The following MACROD2 variants were observed in gnomAD, a reference collection of about 807,000 sequenced individuals.
MACROD2 encodes mono-ADP ribosylhydrolase 2.
In MACROD2, 36 loss-of-function variants were observed where a neutral mutation model predicts 70.4. That is an observed-to-expected ratio of 0.51 (90% CI 0.39 to 0.68). The LOEUF (loss-of-function observed/expected upper bound fraction) is 0.68, where lower values mean the gene tolerates loss of function less well. Among genes scored for constraint, MACROD2 ranks in the 30% least tolerant of loss-of-function variants. The pLI is 0.00. For missense variants in MACROD2, 496 were observed against 538.4 expected, an observed-to-expected ratio of 0.92 and a Z score of 0.78; for synonymous variants, 172 against 178.8, an observed-to-expected ratio of 0.96 and a Z score of 0.30.
intron 3 of MACROD2, chr20:14,322,868 C>T (rs560402081): frequency 2.0e-5 from 3 of 152,086 alleles, no homozygotes; most frequent in Non-Finnish European, 4.4e-5. Flanking sequence ...CTATTAACCC[C>T]CTTTTACAGA....
chr20:15,393,785 C>CA (rs2045824422), intron 6 of MACROD2, among the ~76,000 whole-genome samples: 1 of 152,112 alleles, frequency 6.6e-6, no homozygotes, highest in African/African-American at 2.4e-5. Context: ...TGGAACCATC[C>CA]ACCTTCTAAC....
chr20:15,257,431 C>T (rs1050200129), intron 6 of MACROD2, among the ~76,000 whole-genome samples: 1 of 151,986 alleles, frequency 6.6e-6, no homozygotes, highest in African/African-American at 2.4e-5. Context: ...CATGCTGGTA[C>T]TTTGAATACA....
intron 3 of MACROD2, among the ~76,000 whole-genome samples, chr20:14,264,685 CTGTGTCACG>C (rs1248882578): frequency 6.6e-6 from 1 of 151,950 alleles, no homozygotes; most frequent in Non-Finnish European, 1.5e-5. Flanking sequence ...ACCCATGGCC[CTGTGTCACG>C]TGAGGAGAGA....
intron 4 of MACROD2, among the ~76,000 whole-genome samples, chr20:14,528,053 C>G (rs925884643): frequency 2.0e-5 from 3 of 151,836 alleles, no homozygotes; most frequent in African/African-American, 7.3e-5. Flanking sequence ...CTTATATAAT[C>G]TTATTTTAAT....
intron 8 of MACROD2, among the ~76,000 whole-genome samples, chr20:15,675,548 G>A (rs968180515): frequency 2.0e-5 from 3 of 152,098 alleles, no homozygotes; most frequent in Non-Finnish European, 4.4e-5. Flanking sequence ...ACAGTTTAGC[G>A]CTGGCAACCC....
chr20:14,711,790 C>T (rs187885800), intron 5 of MACROD2, among the ~76,000 whole-genome samples: 1 of 152,232 alleles, frequency 6.6e-6, no homozygotes, highest in East Asian at 1.9e-4. Flanking sequence ...CCAAGCATTC[C>T]CCAGAGAGCT....
intron 7 of MACROD2, among the ~76,000 whole-genome samples, chr20:15,440,985 G>A (rs1418418047): frequency 6.6e-6 from 1 of 152,158 alleles, no homozygotes; most frequent in African/African-American, 2.4e-5. Context: ...AGTAACATTA[G>A]AATCAGTGTA....
chr20:15,312,298 GAT>G (rs1297637215), intron 6 of MACROD2, among the ~76,000 whole-genome samples: 1 of 152,224 alleles, frequency 6.6e-6, no homozygotes, highest in African/African-American at 2.4e-5. Context: ...AATTTGTTAA[GAT>G]GTGATGGTGC....
At chr20:15,730,563 C>G (rs2050932017) in intron 8 of MACROD2, among the ~76,000 whole-genome samples, 1 of 152,128 alleles carries the variant, frequency 6.6e-6, no homozygotes, top group Non-Finnish European at 1.5e-5. Context: ...CACTGTTAGC[C>G]TGATGGGATT....
intron 4 of MACROD2, chr20:14,631,991 T>TTA (rs1337476265): frequency 1.3e-5 from 2 of 152,166 alleles, no homozygotes; most frequent in African/African-American, 4.8e-5. Context: ...AAGTGTGGTA[T>TTA]TCATTTTGTA....
At position 14,660,153 on chromosome 20, in the gene MACROD2, G is replaced by A. The variant is rs113861291; in HGVS notation, c.302-24690G>A. ...CTTGCCCTTCATCCCGTCTAGAGTT[G>A]CATCCAGGCTTAAGTGAGTTTGCCA... On this transcript the variant is annotated intron_variant, in intron 4 of 17. Coordinates refer to ENST00000684519, the MANE Select transcript of MACROD2 (RefSeq NM_001351661.2). Among the ~76,000 whole-genome samples, 445 of 152,288 alleles carry A rather than the reference G, an allele frequency of 2.9e-3. 3 individuals are homozygous for A. The highest frequency in any genetic ancestry group is 0.01 in the African/African-American group (427 of 41,552).
At chr20:15,543,649 G>GC (rs1270585290) in intron 8 of MACROD2, among the ~76,000 whole-genome samples, 4 of 152,050 alleles carry the variant, frequency 2.6e-5, no homozygotes, top group African/African-American at 9.7e-5. Context: ...TCAAGCAGTG[G>GC]CTTAAAACAG....
chr20:14,963,902 A>C (rs1379815292), intron 5 of MACROD2, among the ~76,000 whole-genome samples: 1 of 152,176 alleles, frequency 6.6e-6, no homozygotes, highest in Non-Finnish European at 1.5e-5. Context: ...TAAAGTAGAG[A>C]GGGAAATGCA....
At chr20:15,020,256 C>A (rs1052876848) in intron 5 of MACROD2, among the ~76,000 whole-genome samples, 14 of 152,184 alleles carry the variant, frequency 9.2e-5, no homozygotes, top group African/African-American at 3.4e-4. Flanking sequence ...TAAGGAAGGA[C>A]TTATCAAAAT....
At chr20:15,503,049 G>A (rs1396605354) in intron 8 of MACROD2, among the ~76,000 whole-genome samples, 2 of 152,180 alleles carry the variant, frequency 1.3e-5, no homozygotes, top group Admixed American at 1.3e-4. Context: ...ACAAGAAAAT[G>A]CAGCCTTTTT....
chr20:14,060,345 A>G (rs1331602456), intron 2 of MACROD2, among the ~76,000 whole-genome samples: 9 of 152,134 alleles, frequency 5.9e-5, no homozygotes, highest in African/African-American at 9.7e-5. Context: ...CTAGCAACTT[A>G]AGGAGGAAGG....
At chr20:15,558,163 A>G (rs954483806) in intron 8 of MACROD2, among the ~76,000 whole-genome samples, 1 of 152,196 alleles carries the variant, frequency 6.6e-6, no homozygotes, top group Non-Finnish European at 1.5e-5. Context: ...CAAAGCAATC[A>G]AGCCCATCTT....
intron 3 of MACROD2, among the ~76,000 whole-genome samples, chr20:14,309,956 A>G (rs757011103): frequency 5.9e-5 from 9 of 152,130 alleles, no homozygotes; most frequent in Non-Finnish European, 8.8e-5. Context: ...CTACTAGCAT[A>G]TAGATTCCAG....
chr20:14,332,675 A>G (rs577612788), intron 3 of MACROD2, among the ~76,000 whole-genome samples: 16 of 152,250 alleles, frequency 1.1e-4, no homozygotes, highest in Non-Finnish European at 1.9e-4. Flanking sequence ...AAAATATTCA[A>G]TCTAAAATCT....
Sources: allele counts gnomAD v4.1 joint callset (sites outside exome capture counted in the v4.1 genomes callset), GRCh38; gene constraint gnomAD v4.1.1; transcripts MANE v1.5; gene names NCBI Gene and HGNC (gene_info 2026-07-23, HGNC 2026-07-21).